BTAF1: variants seen among roughly 807,000 people sequenced by gnomAD.
BTAF1 encodes TATA-binding protein-associated factor 172.
In BTAF1, 38 loss-of-function variants were observed where a neutral mutation model predicts 227.1. The observed-to-expected ratio is 0.17, with a 90% CI of 0.13 to 0.22. The LOEUF is 0.22. BTAF1 is among the 10% of genes least tolerant of loss of function. The probability of loss-of-function intolerance (pLI) is 1.00; values close to 1 mark genes in which losing one functional copy is unlikely to be tolerated. For synonymous variants in BTAF1, 742 were observed against 751.9 expected (o/e 0.99, Z 0.21); for missense variants, 1,598 against 2,204.0 (o/e 0.73, Z 5.51).
At chr10:91,958,375 A>G (rs1365921615) in intron 8 of BTAF1, among the ~76,000 whole-genome samples, 1 of 152,050 alleles carries the variant, frequency 6.6e-6, no homozygotes, top group Non-Finnish European at 1.5e-5. Flanking sequence ...GTTTTGATGC[A>G]CATATTTTGA....
rs1848151938 is a variant in BTAF1 at position 91,982,659 on chromosome 10, T to G, written c.2121T>G (p.Ala707=). ...TGGTAACTCAAGAAATTAAACCAGCTGAATCCCTGGGCCAGTTACTACTCT... is the reference window on the plus strand; with the variant it reads ...TGGTAACTCAAGAAATTAAACCAGCGGAATCCCTGGGCCAGTTACTACTCT... The part of the protein sequence containing the change: ...VNVVTQEIKP[A]ESLGQLLLFH... Residue 707 remains alanine, a synonymous_variant, in exon 18 of 38, where the codon GCT becomes GCG. Transcript: ENST00000265990. 1 of 1,613,822 alleles carries G rather than the reference T, an allele frequency of 6.2e-7. No homozygotes were observed. Among genetic ancestry groups the G allele is most frequent in the Non-Finnish European group, 8.5e-7 (1 of 1,179,906 alleles).
rs766935121 is a variant in BTAF1, at chr10:91,956,530, A to G, written c.704A>G (p.Asn235Ser). 3 of 1,595,802 alleles carry G rather than the reference A, an allele frequency of 1.9e-6. No homozygotes were observed. Among genetic ancestry groups the G allele is most frequent in the Admixed American group, 3.7e-5 (2 of 54,368 alleles). Residue 235 changes from asparagine to serine, a missense_variant and splice_region_variant, in exon 7 of 38, where the codon AAT becomes AGT. Coordinates refer to ENST00000265990, the MANE Select transcript of BTAF1 (RefSeq NM_003972.3). The part of the protein sequence containing the change: ...RDAVETNEKS[N>S]DSTDGEPEEK... ...AAATGGTGACTTTTATTTTTTAGCA[A>G]TGATAGCACTGATGGGGAGCCAGAA...
chr10:91,927,868 A>T (rs1415522975), intron 1 of BTAF1, among the ~76,000 whole-genome samples: 2 of 152,128 alleles, frequency 1.3e-5, no homozygotes, highest in Non-Finnish European at 2.9e-5. Flanking sequence ...CTTAGGGACA[A>T]CATTGTTCTC....
chr10:91,966,939 C>G (rs1446702197), intron 14 of BTAF1, among the ~76,000 whole-genome samples, 182 bp downstream of exon 14: 1 of 152,102 alleles, frequency 6.6e-6, no homozygotes, highest in Non-Finnish European at 1.5e-5. Flanking sequence ...ATATTTTGTT[C>G]TAGATTGTAT....
intron 4 of BTAF1, 33 bp from the exon 5 acceptor site, chr10:91,951,369 AT>A (rs1564667061): frequency 6.3e-7 from 1 of 1,593,256 alleles, no homozygotes. Context: ...TTCTTAACTG[AT>A]TTGGAGAAAA....
chr10:91,980,620 TC>T, intron 15 of BTAF1, 62 bp downstream of exon 15: 1 of 1,300,932 alleles, frequency 7.7e-7, no homozygotes, highest in Non-Finnish European at 1.1e-6. Flanking sequence ...TTAAAATTTT[TC>T]ATAATTGCTG....
At chr10:92,028,117 G>A (rs1851650918) in intron 37 of BTAF1, among the ~76,000 whole-genome samples, 1 of 152,114 alleles carries the variant, frequency 6.6e-6, no homozygotes, top group South Asian at 2.1e-4. Flanking sequence ...TCAAGATAAA[G>A]TTGAAAGAAT....
At chr10:92,024,090 C>T (rs569749689) in intron 34 of BTAF1, among the ~76,000 whole-genome samples, 54 of 152,296 alleles carry the variant, frequency 3.5e-4, no homozygotes, top group Non-Finnish European at 5.7e-4. Flanking sequence ...GTGCAAGGCA[C>T]CGAACCACTT....
intron 33 of BTAF1, among the ~76,000 whole-genome samples, chr10:92,017,817 A>G (rs1159476001): frequency 1.3e-5 from 2 of 152,150 alleles, no homozygotes; most frequent in Non-Finnish European, 2.9e-5. Flanking sequence ...GGCCTCTCCC[A>G]CAAGTTTTAA....
chr10:91,958,971 T>C (rs189548960), intron 8 of BTAF1, 94 bp from the exon 9 acceptor site: 1 of 1,103,418 alleles, frequency 9.1e-7, no homozygotes, highest in Non-Finnish European at 1.3e-6. Context: ...TCTAATTTCT[T>C]AAAAATCCAG....
chr10:92,021,024 C>T (rs1057115576), intron 34 of BTAF1, among the ~76,000 whole-genome samples: 17 of 152,128 alleles, frequency 1.1e-4, no homozygotes, highest in African/African-American at 4.1e-4. Context: ...GAAGACTTTT[C>T]TAGTAGCCTT....
At chr10:91,939,871 G>A in intron 2 of BTAF1, 81 bp from the exon 3 acceptor site, 1 of 830,146 alleles carries the variant, frequency 1.2e-6, no homozygotes, top group Non-Finnish European at 1.9e-6. Context: ...TTAATAACAA[G>A]TAAATTTGTA....
chr10:91,942,037 A>G (rs1845037432), intron 3 of BTAF1, among the ~76,000 whole-genome samples: 1 of 152,154 alleles, frequency 6.6e-6, no homozygotes, highest in African/African-American at 2.4e-5. Context: ...CACTTTGGGA[A>G]GTTGAGGCAG....
At chr10:92,013,033 T>TA (rs1192417967) in intron 30 of BTAF1, among the ~76,000 whole-genome samples, 1 of 152,036 alleles carries the variant, frequency 6.6e-6, no homozygotes, top group Non-Finnish European at 1.5e-5. Context: ...AGGCCCTGAG[T>TA]AGGATTAGAA....
At position 91,923,835 on chromosome 10, in the gene BTAF1, C is replaced by G. The variant is rs971392622; in HGVS notation, c.-242C>G. ...TGAGGGTACCCGGTTTGAAGTCGTG[C>G]GGGTCGGAGGACTGCCGCCTCCGCT... is the stretch of plus-strand genomic sequence containing the variant. On this transcript the variant is annotated 5_prime_UTR_variant, in exon 1 of 38. Coordinates refer to ENST00000265990, the MANE Select transcript of BTAF1 (RefSeq NM_003972.3). The G allele has an allele frequency of 1.4e-5, 6 of 436,300 alleles. No homozygotes were observed. Among genetic ancestry groups the G allele is most frequent in the African/African-American group, 1.0e-4 (5 of 48,508 alleles). The allele number at this position is 436,300 out of a possible 1,614,324, so 27.0% of individuals were successfully genotyped here. A position where few individuals can be genotyped will look rare whatever the true frequency, so the allele number is the denominator to read the frequency against.
intron 34 of BTAF1, among the ~76,000 whole-genome samples, chr10:92,019,767 CT>C (rs1850988918): frequency 6.6e-6 from 1 of 152,102 alleles, no homozygotes; most frequent in East Asian, 1.9e-4. Context: ...TGTTGAGCAT[CT>C]TTTCATGTGC....
rs201933329 is a variant in BTAF1 at position 92,026,617 on chromosome 10, G to A, written c.5101G>A (p.Val1701Ile). 2.4e-5 allele frequency: 38 copies of A among 1,613,338 alleles called. No individual in the cohort carries two copies. The East Asian group carries it at 3.6e-4, about 15-fold the overall frequency. ...GTTTAATAATGATCCATCTATAGAC[G>A]TTCTGTTACTTACCACTCACGTTGG... The part of the protein sequence containing the change: ...SRFNNDPSID[V>I]LLLTTHVGGL... Residue 1701 changes from valine (V) to isoleucine (I), a missense_variant, in exon 36 of 38, where the codon GTT (valine) becomes ATT (isoleucine). Physicochemically the swap from Val to Ile is conservative, Grantham distance 29. Around this residue, in one of 10 missense-constraint regions of BTAF1, gnomAD observed 205 missense variants for 244.5 expected, o/e 0.84. Coordinates refer to ENST00000265990, the MANE Select transcript of BTAF1 (RefSeq NM_003972.3).
At chr10:92,014,151 T>A in intron 32 of BTAF1, 122 bp downstream of exon 32, 1 of 1,021,234 alleles carries the variant, frequency 9.8e-7, no homozygotes, top group Non-Finnish European at 1.4e-6. Context: ...AGATAAAGCC[T>A]AAATGATGTG....
intron 31 of BTAF1, 36 bp from the exon 32 acceptor site, chr10:92,013,863 C>A (rs1850529736): frequency 6.2e-7 from 1 of 1,612,632 alleles, no homozygotes; most frequent in Non-Finnish European, 8.5e-7. Context: ...TTATTCTTAA[C>A]TTTTTTGAAG....
Sources: gnomAD v4.1 joint callset for allele counts (sites outside exome capture counted in the v4.1 genomes callset) on GRCh38, gnomAD v4.1.1 for gene constraint, gnomAD v4.1.1 regional missense constraint, MANE v1.5 for transcripts, NCBI Gene and HGNC (gene_info 2026-07-23, HGNC 2026-07-21) for gene names.